Variants in SORCS2 observed in about 807,000 individuals in gnomAD.
SORCS2 encodes the protein VPS10 domain-containing receptor SorCS2.
SORCS2 carries 100 observed loss-of-function variants against 141.6 expected under a neutral mutation model. That is an observed-to-expected ratio of 0.71 (90% CI 0.60 to 0.83). SORCS2 has a LOEUF of 0.83. SORCS2 is among the 40% of genes least tolerant of loss of function. SORCS2 has a pLI of 0.00. For missense variants in SORCS2, 1,646 were observed against 1,560.2 expected, an observed-to-expected ratio of 1.05 and a Z score of -0.93; for synonymous variants, 789 against 676.9, an observed-to-expected ratio of 1.17 and a Z score of -2.57.
At chr4:7,640,841 G>C (rs1397311275) in intron 4 of SORCS2, among the ~76,000 whole-genome samples, 1 of 152,134 alleles carries the variant, frequency 6.6e-6, no homozygotes, top group Non-Finnish European at 1.5e-5. Context: ...TGGCTGGTCA[G>C]GGAACGAGAG....
At chr4:7,294,449 C>A (rs562471201) in intron 1 of SORCS2, among the ~76,000 whole-genome samples, 105 of 152,110 alleles carry the variant, frequency 6.9e-4, no homozygotes, top group Middle Eastern at 6.8e-3. Flanking sequence ...GGCCTGCAGA[C>A]CTTCAGATCA....
At position 7,741,177 on chromosome 4, in the gene SORCS2, A is replaced by C. The variant is rs142312020; in HGVS notation, c.*913A>C. The C allele has an allele frequency of 9.8e-4, 392 of 398,690 alleles. 5 individuals are homozygous for C. The East Asian group carries it at 0.014, about 14-fold the overall frequency. 24.7% of individuals were successfully genotyped at this position (398,690 alleles called of 1,614,324 possible). A position where few individuals can be genotyped will look rare whatever the true frequency, so the allele number is the denominator to read the frequency against. On this transcript the variant is annotated 3_prime_UTR_variant, in exon 27 of 27. Transcript: ENST00000507866. ...TGGTGGAGACGGCACCAGATGTACCAGTTTTCTGCAGTTCCTTATAGGCGA... is the reference window on the plus strand; with the variant it reads ...TGGTGGAGACGGCACCAGATGTACCCGTTTTCTGCAGTTCCTTATAGGCGA...
At chr4:7,254,286 T>C (rs537473887) in intron 1 of SORCS2, among the ~76,000 whole-genome samples, 2 of 152,330 alleles carry the variant, frequency 1.3e-5, no homozygotes, top group East Asian at 1.9e-4. Context: ...CCATCCATGA[T>C]GAATGGATAA....
chr4:7,691,752 A>G (rs549731409), intron 11 of SORCS2, among the ~76,000 whole-genome samples: 1 of 152,100 alleles, frequency 6.6e-6, no homozygotes, highest in East Asian at 1.9e-4. Context: ...CTCCTCAATG[A>G]CAGGGTATTT....
At chr4:7,576,332 A>G (rs996512228) in intron 3 of SORCS2, among the ~76,000 whole-genome samples, 9 of 152,184 alleles carry the variant, frequency 5.9e-5, no homozygotes, top group Admixed American at 1.3e-4. Context: ...AGATAAGAGC[A>G]CCCTTCCAGC....
At chr4:7,516,101 C>T (rs551071564) in intron 2 of SORCS2, among the ~76,000 whole-genome samples, 7 of 152,316 alleles carry the variant, frequency 4.6e-5, no homozygotes, top group Admixed American at 4.6e-4. Context: ...ATTCATTCCA[C>T]CCGCATTTAC....
chr4:7,244,897 C>A (rs1219896420), intron 1 of SORCS2, among the ~76,000 whole-genome samples: 2 of 152,178 alleles, frequency 1.3e-5, no homozygotes, highest in African/African-American at 4.8e-5. Flanking sequence ...CGAGGCTGGA[C>A]CTGAGTACCC....
At chr4:7,284,508 A>G (rs993556059) in intron 1 of SORCS2, among the ~76,000 whole-genome samples, 2 of 152,186 alleles carry the variant, frequency 1.3e-5, no homozygotes, top group Admixed American at 6.5e-5. Flanking sequence ...TGCAGACCTC[A>G]GGAGAGCTCG....
At chr4:7,482,714 G>A (rs1213285917) in intron 2 of SORCS2, among the ~76,000 whole-genome samples, 3 of 104,058 alleles carry the variant, frequency 2.9e-5, no homozygotes, top group African/African-American at 4.4e-5. Flanking sequence ...CACCCCTGAC[G>A]CTGTTCAGAC....
chr4:7,279,848 G>T (rs943094861), intron 1 of SORCS2, among the ~76,000 whole-genome samples: 3 of 151,952 alleles, frequency 2.0e-5, no homozygotes, highest in Non-Finnish European at 4.4e-5. Context: ...ATTTCTGGAC[G>T]CACCTCCCCT....
chr4:7,264,142 C>T (rs930566973), intron 1 of SORCS2, among the ~76,000 whole-genome samples: 10 of 152,270 alleles, frequency 6.6e-5, no homozygotes, highest in African/African-American at 1.7e-4. Flanking sequence ...GTGGAGACTG[C>T]GGGACTCAGA....
intron 2 of SORCS2, among the ~76,000 whole-genome samples, chr4:7,448,695 T>A: frequency 7.4e-6 from 1 of 134,436 alleles, no homozygotes; most frequent in Admixed American, 7.4e-5. Context: ...CCTTCCTCTC[T>A]CTGCCTTCCT....
chr4:7,311,596 T>C (rs1718187928), intron 1 of SORCS2, among the ~76,000 whole-genome samples: 1 of 151,856 alleles, frequency 6.6e-6, no homozygotes, highest in African/African-American at 2.4e-5. Context: ...CCCCAGTAGG[T>C]GTGGAGTGGA....
At chr4:7,693,979 A>G (rs1724430494) in intron 11 of SORCS2, among the ~76,000 whole-genome samples, 1 of 152,108 alleles carries the variant, frequency 6.6e-6, no homozygotes, top group African/African-American at 2.4e-5. Context: ...CTGGAAGACT[A>G]TGGGGCAGCC....
At chr4:7,420,304 CT>C (rs764405661) in intron 2 of SORCS2, among the ~76,000 whole-genome samples, 1 of 152,234 alleles carries the variant, frequency 6.6e-6, no homozygotes, top group Non-Finnish European at 1.5e-5. Context: ...CTCTCTGGGC[CT>C]CAGAGTCCCC....
rs1733691300 is a variant in SORCS2 at position 7,526,271 on chromosome 4, G to A, written c.549-5259G>A. ...ATCGCCTTGGCACGTTGTCCAGACCGGCGTGTCCCTTAGGAATAGAATCGG... is the reference window on the plus strand; with the variant it reads ...ATCGCCTTGGCACGTTGTCCAGACCAGCGTGTCCCTTAGGAATAGAATCGG... On this transcript the variant is annotated intron_variant, in intron 2 of 26. Transcript: ENST00000507866. 3.3e-5 allele frequency among the ~76,000 whole-genome samples: 5 copies of A among 152,358 alleles called. 1 individual carries two copies. The highest frequency in any genetic ancestry group is 2.6e-4 in the Admixed American group (4 of 15,306).
chr4:7,545,472 G>A (rs576164839), intron 3 of SORCS2, among the ~76,000 whole-genome samples: 2 of 152,252 alleles, frequency 1.3e-5, no homozygotes, highest in South Asian at 4.2e-4. Context: ...AGTGGCAGGG[G>A]GACCTAAGAG....
At chr4:7,315,789 T>A (rs1718512101) in intron 1 of SORCS2, among the ~76,000 whole-genome samples, 1 of 152,164 alleles carries the variant, frequency 6.6e-6, no homozygotes. Context: ...ATAGCTTCTC[T>A]CCCCAGTGAC....
At chr4:7,274,258 G>A (rs1715338192) in intron 1 of SORCS2, among the ~76,000 whole-genome samples, 1 of 152,218 alleles carries the variant, frequency 6.6e-6, no homozygotes, top group Non-Finnish European at 1.5e-5. Context: ...AACTTCGGGT[G>A]CACTGGTTTG....
Sources: allele counts gnomAD v4.1 joint callset (sites outside exome capture counted in the v4.1 genomes callset), GRCh38; gene constraint gnomAD v4.1.1; transcripts MANE v1.5; gene names NCBI Gene and HGNC (gene_info 2026-07-23, HGNC 2026-07-21).